Variants in MAP6 observed in about 807,000 individuals in gnomAD.
The protein encoded by MAP6 is microtubule-associated protein 6.
Under a neutral mutation model 42.4 loss-of-function variants are expected in MAP6, and 26 were observed. The ratio of observed to expected loss-of-function variants is 0.61; its 90% CI spans 0.45 to 0.85. The LOEUF (loss-of-function observed/expected upper bound fraction) is 0.85. Ranked by LOEUF, MAP6 falls within the 40% of genes least tolerant of loss-of-function variation. The pLI, the probability that MAP6 is intolerant of heterozygous loss-of-function variation, is 0.00. For synonymous variants in MAP6, 418 were observed against 443.8 expected, an observed-to-expected ratio of 0.94 and a Z score of 0.73; for missense variants, 966 against 1,099.0, an observed-to-expected ratio of 0.88 and a Z score of 1.71.
At chr11:75,615,872 T>C (rs182017000) in intron 1 of MAP6, among the ~76,000 whole-genome samples, 41 of 148,630 alleles carry the variant, frequency 2.8e-4, no homozygotes, top group Non-Finnish European at 5.6e-4. Context: ...AGAGCAATTA[T>C]AGAGGGAGAG....
At position 75,667,319 on chromosome 11, in the gene MAP6, G is replaced by T; in HGVS notation, c.905+146C>A. 1 of 665,320 alleles carries T rather than the reference G, an allele frequency of 1.5e-6. No homozygotes were observed. Among genetic ancestry groups the T allele is most frequent in the Non-Finnish European group, 2.3e-6 (1 of 436,458 alleles). 41.2% of individuals were successfully genotyped at this position (665,320 alleles called of 1,614,324 possible). ...GAAGAGAAGGCTTCGACAGGAGGTG[G>T]CCTGGGAGGCGGCTGGGGAGAGGGT... On this transcript the variant is annotated intron_variant, in intron 1 of 3. Transcript: ENST00000304771. This position sits in a 1 kb window ranked among gnomAD's most constrained non-coding sequence, Gnocchi z 5.6.
chr11:75,600,526 G>C (rs892372769), intron 3 of MAP6, among the ~76,000 whole-genome samples: 2 of 152,312 alleles, frequency 1.3e-5, no homozygotes, highest in African/African-American at 2.4e-5. Flanking sequence ...TTCTGTGAGA[G>C]TGGAGTTTGG....
At position 75,667,710 on chromosome 11, in the gene MAP6, G is replaced by C. The variant is rs576681430; in HGVS notation, c.660C>G (p.Gly220=). 833 of 1,284,998 alleles carry C rather than the reference G, an allele frequency of 6.5e-4. 9 individuals carry two copies. The East Asian group carries it at 0.017, about 26-fold the overall frequency. The allele number at this position is 1,284,998 out of a possible 1,614,324, so 79.6% of individuals were successfully genotyped here. Residue 220 remains glycine, a synonymous_variant, in exon 1 of 4, where the codon GGC becomes GGG. Coordinates refer to ENST00000304771, the MANE Select transcript of MAP6 (RefSeq NM_033063.2). The surrounding 1 kb of genome is among the most constrained non-coding windows in gnomAD (Gnocchi z 5.6). The part of the protein sequence containing the change: ...AEAREQEAAP[G]GAGGLAAGKA... Reference sequence around the variant, plus strand: ...TTCCGGCCGCCAGGCCACCCGCTCCGCCGGGGGCCGCCTCCTGCTCCCGGG... The same window carrying C: ...TTCCGGCCGCCAGGCCACCCGCTCCCCCGGGGGCCGCCTCCTGCTCCCGGG...
At chr11:75,612,227 C>A (rs932670909) in intron 1 of MAP6, among the ~76,000 whole-genome samples, 1 of 152,248 alleles carries the variant, frequency 6.6e-6, no homozygotes, top group African/African-American at 2.4e-5. Flanking sequence ...TACATTTTTT[C>A]TTGATCATTC....
At chr11:75,606,750 C>T (rs1295943280) in intron 2 of MAP6, among the ~76,000 whole-genome samples, 1 of 152,164 alleles carries the variant, frequency 6.6e-6, no homozygotes. Flanking sequence ...CTCTGCCTGG[C>T]TCCTCCACCA....
intron 1 of MAP6, among the ~76,000 whole-genome samples, chr11:75,623,398 T>G (rs1943143650): frequency 6.6e-6 from 1 of 152,172 alleles, no homozygotes; most frequent in African/African-American, 2.4e-5. Flanking sequence ...CATGAAAATA[T>G]ACACTTAAAA....
chr11:75,587,847 CT>C lies in MAP6; in HGVS notation c.1653del (p.Gly552AlafsTer8). ...TTTAGAGACTCTGGTACCACAGAGC[CT>C]TGATCCTTAACTTTTGCTGGAACCA... is the stretch of plus-strand genomic sequence containing the variant. ...SPMVPAKVKD[Q>X]GSVVPESLKD... On this transcript the variant is annotated frameshift_variant, in exon 4 of 4. Coordinates refer to ENST00000304771, the MANE Select transcript of MAP6 (RefSeq NM_033063.2). LOFTEE classifies it low-confidence loss of function (END_TRUNC). 6.2e-7 allele frequency: 1 copy of C among 1,614,186 alleles called. No homozygotes were observed. The highest frequency in any genetic ancestry group is 8.5e-7 in the Non-Finnish European group (1 of 1,180,034).
chr11:75,664,478 C>T (rs575550222), intron 1 of MAP6, among the ~76,000 whole-genome samples: 5 of 152,368 alleles, frequency 3.3e-5, no homozygotes, highest in African/African-American at 9.6e-5. Flanking sequence ...TTTAAGCAGA[C>T]TGTTCACATT....
At chr11:75,651,133 T>C (rs1387895097) in intron 1 of MAP6, among the ~76,000 whole-genome samples, 3 of 152,248 alleles carry the variant, frequency 2.0e-5, no homozygotes, top group African/African-American at 7.2e-5. Flanking sequence ...TATGACTTCA[T>C]AGTCATATCC....
intron 1 of MAP6, among the ~76,000 whole-genome samples, chr11:75,655,613 T>G (rs981534919): frequency 3.3e-5 from 5 of 152,160 alleles, no homozygotes; most frequent in African/African-American, 1.2e-4. Flanking sequence ...GTTGAGAGTT[T>G]AGGAAAAGAA....
At chr11:75,640,072 C>T (rs1943436685) in intron 1 of MAP6, among the ~76,000 whole-genome samples, 1 of 152,152 alleles carries the variant, frequency 6.6e-6, no homozygotes. Context: ...ATACCCTCCA[C>T]TCCCAGACAG....
intron 1 of MAP6, among the ~76,000 whole-genome samples, chr11:75,615,574 TC>T (rs1248202608): frequency 6.6e-6 from 1 of 152,174 alleles, no homozygotes; most frequent in African/African-American, 2.4e-5. Flanking sequence ...TGGGGAGAGA[TC>T]AACAATTACA....
chr11:75,627,732 T>A (rs1030996074), intron 1 of MAP6, among the ~76,000 whole-genome samples: 1 of 152,170 alleles, frequency 6.6e-6, no homozygotes, highest in African/African-American at 2.4e-5. Flanking sequence ...TCATCCTCGT[T>A]TTACAGATGA....
In MAP6 at chr11:75,628,922, T is replaced by A. The variant is rs1345706306; in HGVS notation, c.906-20600A>T. Among the ~76,000 whole-genome samples the A allele has an allele frequency of 2.0e-5, 3 of 152,348 alleles. No individual in the cohort carries two copies. The East Asian group carries it at 5.8e-4, about 29-fold the overall frequency. On this transcript the variant is annotated intron_variant, in intron 1 of 3. Coordinates refer to ENST00000304771, the MANE Select transcript of MAP6 (RefSeq NM_033063.2). ...GCTTTAATAATAGATTTGCTTGATC[T>A]AATTTAATCTCAAATTAACCCTGCA...
Position 75,587,301 on chromosome 11 carries a change from G to A in MAP6, c.2200C>T (p.Pro734Ser). 6.2e-7 allele frequency: 1 copy of A among 1,614,154 alleles called. No individual in the cohort carries two copies. The change falls in exon 4 of 4, where the codon CCT becomes TCT. Residue 734 changes from proline (P) to serine (S), a missense_variant. Transcript: ENST00000304771. ...VKDQGPTVLQ[P>S]PKNQGRIVPE... ...ACTATACGACCTTGATTCTTTGGAGGCTGTAGGACTGTGGGGCCTTGATCC... is the reference window on the plus strand; with the variant it reads ...ACTATACGACCTTGATTCTTTGGAGACTGTAGGACTGTGGGGCCTTGATCC...
chr11:75,605,947 G>T lies in MAP6; in HGVS notation c.1177C>A (p.Pro393Thr), dbSNP rs1173649263. ...KPKKTSASHK[P>T]TRKAKDKQAV... ...TGCTTGTCTTTGGCCTTCCTCGTGG[G>T]CTTATGGCTCGCTGAGGTCTTTTTT... The change falls in exon 3 of 4, where the codon CCC (proline) becomes ACC (threonine). Residue 393 changes from proline to threonine, a missense_variant. This residue lies in a region of MAP6 where 943 missense variants were observed against 1,049.9 expected (regional missense o/e 0.90). Transcript: ENST00000304771. 6.2e-7 allele frequency: 1 copy of T among 1,614,126 alleles called. No individual in the cohort carries two copies. The highest frequency in any genetic ancestry group is 1.7e-5 in the Admixed American group (1 of 60,018).
intron 1 of MAP6, among the ~76,000 whole-genome samples, chr11:75,655,395 C>T (rs897321247): frequency 6.6e-6 from 1 of 152,150 alleles, no homozygotes; most frequent in Non-Finnish European, 1.5e-5. Context: ...TTGTGAGACC[C>T]AGTTTAGGCT....
chr11:75,664,899 A>C (rs188454270), intron 1 of MAP6, among the ~76,000 whole-genome samples: 1 of 152,240 alleles, frequency 6.6e-6, no homozygotes, highest in African/African-American at 2.4e-5. Context: ...CAAAAAAAAA[A>C]CCCGTTAAAT....
intron 1 of MAP6, among the ~76,000 whole-genome samples, chr11:75,661,592 G>A (rs1035583304): frequency 3.3e-5 from 5 of 152,046 alleles, no homozygotes; most frequent in Non-Finnish European, 5.9e-5. Context: ...CTCAGCTGAT[G>A]CTGAGCCTTC....
Sources: allele counts gnomAD v4.1 joint callset (sites outside exome capture counted in the v4.1 genomes callset), GRCh38; gene constraint gnomAD v4.1.1; regional missense constraint gnomAD v4.1.1; non-coding constraint Gnocchi (gnomAD v3.1); transcripts MANE v1.5; gene names NCBI Gene and HGNC (gene_info 2026-07-23, HGNC 2026-07-21).